Variants in LRBA observed in about 807,000 individuals in gnomAD.
The protein encoded by LRBA is lipopolysaccharide-responsive and beige-like anchor protein.
A neutral mutation model predicts 330.0 loss-of-function variants in LRBA; 176 were observed. The observed-to-expected ratio is 0.53, with a 90% confidence interval of 0.47 to 0.60. LRBA has a LOEUF of 0.60. Ranked by LOEUF, LRBA falls within the 20% of genes least tolerant of loss-of-function variation. LRBA has a pLI of 0.00. For missense variants in LRBA, 3,259 were observed against 3,444.8 expected, an observed-to-expected ratio of 0.95 and a Z score of 1.35; for synonymous variants, 1,230 against 1,193.0, an observed-to-expected ratio of 1.03 and a Z score of -0.64.
intron 17 of LRBA, among the ~76,000 whole-genome samples, chr4:150,883,926 A>C (rs865843268): frequency 3.3e-5 from 5 of 152,234 alleles, no homozygotes; most frequent in Admixed American, 6.5e-5. Context: ...GCTAACATGG[A>C]AGTCAGCATT....
chr4:150,380,179 C>CAAA (rs150812909), intron 47 of LRBA, among the ~76,000 whole-genome samples: 5 of 136,562 alleles, frequency 3.7e-5, no homozygotes, highest in Admixed American at 2.2e-4. Context: ...AACTCTGTCT[C>CAAA]AAAAAAACAA....
At chr4:150,597,110 T>C in intron 38 of LRBA, 1 of 1,406,486 alleles carries the variant, frequency 7.1e-7, no homozygotes. Flanking sequence ...AATTTAAAAA[T>C]GCACACTAAA....
intron 37 of LRBA, among the ~76,000 whole-genome samples, chr4:150,677,796 C>A: frequency 6.9e-6 from 1 of 144,054 alleles, no homozygotes; most frequent in Non-Finnish European, 1.5e-5. Flanking sequence ...CGACAAGATC[C>A]CATGTCTTAA....
intron 44 of LRBA, among the ~76,000 whole-genome samples, chr4:150,448,962 C>T (rs1435366078): frequency 3.3e-5 from 5 of 152,040 alleles, no homozygotes; most frequent in African/African-American, 1.2e-4. Context: ...GGGCCTCTCC[C>T]ATTGCTCATG....
At chr4:150,389,370 TAA>T in intron 47 of LRBA, among the ~76,000 whole-genome samples, 1 of 150,420 alleles carries the variant, frequency 6.6e-6, no homozygotes, top group Non-Finnish European at 1.5e-5. Flanking sequence ...AATAAATAAA[TAA>T]ATAAATAAAT....
chr4:150,833,094 G>A (rs1253516016), intron 28 of LRBA, among the ~76,000 whole-genome samples: 1 of 151,720 alleles, frequency 6.6e-6, no homozygotes, highest in Non-Finnish European at 1.5e-5. Context: ...ATTCTTGAGA[G>A]TATTTAAAAT....
In LRBA at chr4:150,435,607, A is replaced by C; in HGVS notation, c.7023T>G (p.Arg2341=). The part of the protein sequence containing the change: ...SISRAWRNSQ[R]DTSDIKELIP... ...TCTGTACCTTAATATCAGAGGTATC[A>C]CGCTGACTGTTTCGCCAAGCTCTGG... Residue 2341 remains arginine (R), a synonymous_variant, in exon 46 of 57, where the codon CGT becomes CGG. Coordinates refer to ENST00000651943, the MANE Select transcript of LRBA (RefSeq NM_001364905.1). 6.2e-7 allele frequency: 1 copy of C among 1,612,696 alleles called. No homozygotes were observed. Among genetic ancestry groups the C allele is most frequent in the African/African-American group, 1.3e-5 (1 of 74,978 alleles).
chr4:150,698,154 A>G (rs560839016), intron 36 of LRBA, among the ~76,000 whole-genome samples: 1 of 152,296 alleles, frequency 6.6e-6, no homozygotes, highest in East Asian at 1.9e-4. Flanking sequence ...ACAATAGCCA[A>G]TATTCTAAGT....
Position 150,871,334 on chromosome 4 carries a change from T to C in LRBA, c.2367+11A>G. On this transcript the variant is annotated intron_variant, in intron 19 of 56. Transcript: ENST00000651943. ...GAAATTTAGAGGAGTAAATCCTAAG[T>C]ACATTCCTACCTCAAACAGCACATT... The C allele has an allele frequency of 6.7e-7, 1 of 1,492,280 alleles. No individual in the cohort carries two copies. Among genetic ancestry groups the C allele is most frequent in the South Asian group, 1.2e-5 (1 of 86,712 alleles). The allele number at this position is 1,492,280 out of a possible 1,614,324, so 92.4% of individuals were successfully genotyped here.
chr4:150,703,466 A>G lies in LRBA; in HGVS notation c.5755-19749T>C, dbSNP rs952700755. On this transcript the variant is annotated intron_variant, in intron 36 of 56. Coordinates refer to ENST00000651943, the MANE Select transcript of LRBA (RefSeq NM_001364905.1). ...TTCAGCAATTCTTTGGGAGCTTCCT[A>G]TGTTCCAAGCCTATACCAGATGTTG... Among the ~76,000 whole-genome samples, 10 of 152,188 alleles carry G rather than the reference A, an allele frequency of 6.6e-5. No individual in the cohort carries two copies. The South Asian group carries it at 1.4e-3, about 22-fold the overall frequency.
At chr4:150,741,029 A>G (rs1731889091) in intron 35 of LRBA, among the ~76,000 whole-genome samples, 1 of 152,126 alleles carries the variant, frequency 6.6e-6, no homozygotes, top group Non-Finnish European at 1.5e-5. Flanking sequence ...TGAATCCTAG[A>G]CAAGACCTAA....
At chr4:150,633,768 C>T (rs1379772485) in intron 37 of LRBA, among the ~76,000 whole-genome samples, 2 of 152,206 alleles carry the variant, frequency 1.3e-5, no homozygotes, top group Non-Finnish European at 1.5e-5. Flanking sequence ...TCACTATCCA[C>T]GTTCCAGCTA....
rs201065232 is a variant in LRBA, at chr4:150,812,015, C to T, written c.5306-3617G>A. Among the ~76,000 whole-genome samples, 16 of 152,068 alleles carry T rather than the reference C, an allele frequency of 1.1e-4. No individual in the cohort carries two copies. The East Asian group carries it at 1.9e-3, about 18-fold the overall frequency. The stretch of plus-strand genomic sequence containing the variant: ...GTCATAAGAAGACACTTTACCAACA[C>T]GGATAATAAATTAACCAGCAATAGT... On this transcript the variant is annotated intron_variant, in intron 31 of 56. Coordinates refer to ENST00000651943, the MANE Select transcript of LRBA (RefSeq NM_001364905.1).
intron 46 of LRBA, among the ~76,000 whole-genome samples, chr4:150,427,527 T>G (rs927202890): frequency 6.6e-6 from 1 of 151,848 alleles, no homozygotes; most frequent in Admixed American, 6.6e-5. Flanking sequence ...ACAGACATAT[T>G]TGAGAAAGCT....
At chr4:150,359,242 T>A (rs932245122) in intron 47 of LRBA, among the ~76,000 whole-genome samples, 2 of 152,226 alleles carry the variant, frequency 1.3e-5, no homozygotes, top group Non-Finnish European at 2.9e-5. Flanking sequence ...ATCTATTCAT[T>A]CAGTAAATAT....
At chr4:150,724,096 C>T (rs1729330290) in intron 36 of LRBA, among the ~76,000 whole-genome samples, 1 of 152,196 alleles carries the variant, frequency 6.6e-6, no homozygotes. Flanking sequence ...GGCTCCCAGA[C>T]AGCACTTTGG....
chr4:150,488,847 A>G (rs951166469), intron 41 of LRBA, among the ~76,000 whole-genome samples: 17 of 148,034 alleles, frequency 1.1e-4, no homozygotes, highest in Admixed American at 2.1e-4. Context: ...GTAATCGATC[A>G]TTCACTAAGC....
chr4:150,586,692 C>T (rs1772156723), intron 40 of LRBA, among the ~76,000 whole-genome samples: 1 of 152,088 alleles, frequency 6.6e-6, no homozygotes, highest in South Asian at 2.1e-4. Flanking sequence ...TGTAACTTCT[C>T]TAAAAGGAGC....
chr4:150,280,095 G>A (rs549792484), intron 55 of LRBA, among the ~76,000 whole-genome samples: 2 of 152,310 alleles, frequency 1.3e-5, no homozygotes, highest in South Asian at 4.1e-4. Context: ...ACATTTTAAT[G>A]AATCAGATGC....
Sources: gnomAD v4.1 joint callset for allele counts (sites outside exome capture counted in the v4.1 genomes callset) on GRCh38, gnomAD v4.1.1 for gene constraint, MANE v1.5 for transcripts, NCBI Gene and HGNC (gene_info 2026-07-23, HGNC 2026-07-21) for gene names.